Variants in STIM1 observed in about 807,000 individuals in gnomAD.
STIM1 encodes the protein stromal interaction molecule 1.
STIM1 carries 25 observed loss-of-function variants against 74.7 expected under a neutral mutation model. The ratio of observed to expected loss-of-function variants is 0.33; its 90% CI spans 0.24 to 0.47. The LOEUF (loss-of-function observed/expected upper bound fraction) is 0.47, where lower values mean the gene tolerates loss of function less well. STIM1 is among the 20% of genes least tolerant of loss of function. The probability of loss-of-function intolerance (pLI) is 1.00; values close to 1 mark genes in which losing one functional copy is unlikely to be tolerated. For synonymous variants in STIM1, 328 were observed against 348.8 expected (o/e 0.94, Z 0.66); for missense variants, 728 against 920.8 (o/e 0.79, Z 2.71).
In STIM1 at chr11:4,082,278, A is replaced by G. The variant is rs773600734; in HGVS notation, c.1064A>G (p.His355Arg). The change falls in exon 8 of 13, where the codon CAT (histidine) becomes CGT (arginine). Residue 355 changes from histidine to arginine, a missense_variant. By Grantham distance (29) the His-to-Arg change is conservative. Transcript: ENST00000526596. Reference sequence around the variant, plus strand: ...CTTCAGAAGTGGCTGCAGCTGACACATGAGGTGGAGGTGCAATATTACAAC... The same window carrying G: ...CTTCAGAAGTGGCTGCAGCTGACACGTGAGGTGGAGGTGCAATATTACAAC... ...EALQKWLQLT[H>R]EVEVQYYNIK... is the part of the protein sequence containing the mutation. 1.2e-6 allele frequency: 2 copies of G among 1,613,928 alleles called. No individual in the cohort carries two copies. Among genetic ancestry groups the G allele is most frequent in the Non-Finnish European group, 1.7e-6 (2 of 1,180,034 alleles).
At chr11:3,955,245 C>G (rs1371349360) in intron 1 of STIM1, among the ~76,000 whole-genome samples, 4 of 152,064 alleles carry the variant, frequency 2.6e-5, no homozygotes, top group African/African-American at 9.7e-5. Flanking sequence ...CAGTGAAGGA[C>G]CAAGTAGGAA....
intron 4 of STIM1, among the ~76,000 whole-genome samples, chr11:4,055,916 T>C (rs2133085936): frequency 6.6e-6 from 1 of 152,332 alleles, no homozygotes; most frequent in Non-Finnish European, 1.5e-5. Context: ...TACTCAACAC[T>C]GTATACAGTA....
At chr11:3,907,215 G>A (rs1400620957) in intron 1 of STIM1, among the ~76,000 whole-genome samples, 4 of 152,240 alleles carry the variant, frequency 2.6e-5, no homozygotes, top group Middle Eastern at 6.8e-3. Context: ...GGGTTATAAT[G>A]GCAGTTACTA....
At chr11:3,955,031 T>C (rs2135684328) in intron 1 of STIM1, among the ~76,000 whole-genome samples, 1 of 152,374 alleles carries the variant, frequency 6.6e-6, no homozygotes, top group Non-Finnish European at 1.5e-5. Context: ...TTCAATGGAA[T>C]ACTACTCAGC....
At chr11:4,021,323 G>A (rs961356542) in intron 2 of STIM1, among the ~76,000 whole-genome samples, 1 of 151,800 alleles carries the variant, frequency 6.6e-6, no homozygotes, top group East Asian at 1.9e-4. Flanking sequence ...ATGGGGTTTC[G>A]CCATGCTGGC....
At chr11:4,080,425 C>T (rs1426047642) in intron 7 of STIM1, among the ~76,000 whole-genome samples, 2 of 151,270 alleles carry the variant, frequency 1.3e-5, no homozygotes, top group Non-Finnish European at 2.9e-5. Flanking sequence ...TTCCATCTTC[C>T]CTATTCCTTA....
intron 1 of STIM1, among the ~76,000 whole-genome samples, chr11:3,879,522 C>T (rs1455770055): frequency 6.6e-6 from 1 of 152,322 alleles, no homozygotes; most frequent in Middle Eastern, 3.4e-3. Flanking sequence ...GGTTTGTGCT[C>T]TGCACTTTAC....
At chr11:4,047,269 C>T (rs1253548394) in intron 3 of STIM1, among the ~76,000 whole-genome samples, 1 of 152,112 alleles carries the variant, frequency 6.6e-6, no homozygotes, top group African/African-American at 2.4e-5. Flanking sequence ...TGCCAGAGGC[C>T]AGGAGTTCTA....
chr11:3,869,190 T>C (rs1372350358), intron 1 of STIM1, among the ~76,000 whole-genome samples: 1 of 152,184 alleles, frequency 6.6e-6, no homozygotes, highest in Non-Finnish European at 1.5e-5. Context: ...AGAATGGTCT[T>C]GATCTCCTGA....
intron 2 of STIM1, among the ~76,000 whole-genome samples, chr11:3,993,633 G>A (rs1004602238): frequency 2.6e-5 from 4 of 152,128 alleles, no homozygotes; most frequent in Admixed American, 6.6e-5. Context: ...TCCAGCCTGG[G>A]CGACAGAGGG....
chr11:3,954,712 G>A (rs2093190145), intron 1 of STIM1, among the ~76,000 whole-genome samples: 1 of 152,160 alleles, frequency 6.6e-6, no homozygotes, highest in Non-Finnish European at 1.5e-5. Context: ...AAAGAATTCT[G>A]AGTGGTTCTT....
intron 1 of STIM1, among the ~76,000 whole-genome samples, chr11:3,862,880 G>GCA (rs58778371): frequency 0.025 from 3,601 of 146,164 alleles, 70 homozygotes; most frequent in African/African-American, 0.055. Flanking sequence ...ACACACACAC[G>GCA]CACACACACA....
chr11:3,957,482 C>G (rs2093229845), intron 1 of STIM1, among the ~76,000 whole-genome samples: 2 of 152,014 alleles, frequency 1.3e-5, no homozygotes, highest in Non-Finnish European at 2.9e-5. Context: ...TGGTCTCAAA[C>G]TCCTGACCTT....
intron 10 of STIM1, among the ~76,000 whole-genome samples, chr11:4,084,059 C>T (rs1283198812): frequency 6.6e-6 from 1 of 152,128 alleles, no homozygotes; most frequent in Non-Finnish European, 1.5e-5. Context: ...ACTCTTGGAT[C>T]CTACCCGCTC....
At chr11:3,924,043 T>A (rs569803496) in intron 1 of STIM1, among the ~76,000 whole-genome samples, 1 of 152,034 alleles carries the variant, frequency 6.6e-6, no homozygotes, top group African/African-American at 2.4e-5. Context: ...GGTCTCACTA[T>A]GTTGCCCAGG....
rs1216086016 is a variant in STIM1, at chr11:3,895,781, TTCCTTCCTTCCTTCCTTCCTTC to T, written c.139+39373_139+39394del. ...CTTCCTTCCTTCCTTCCTTCCTTCC[TTCCTTCCTTCCTTCCTTCCTTC>T]CTTTCTTTCCTTCCTTCTTTCTTTT... On this transcript the variant is annotated intron_variant, in intron 1 of 12. Coordinates refer to ENST00000526596, the MANE Select transcript of STIM1 (RefSeq NM_001382567.1). Among the ~76,000 whole-genome samples, 11 of 92,996 alleles carry T rather than the reference TTCCTTCCTTCCTTCCTTCCTTC, an allele frequency of 1.2e-4. 3 individuals are homozygous for T. The highest frequency in any genetic ancestry group is 4.6e-4 in the African/African-American group (7 of 15,274). 61.0% of individuals were successfully genotyped at this position (92,996 alleles called of 152,430 possible). A position where few individuals can be genotyped will look rare whatever the true frequency, so the allele number is the denominator to read the frequency against.
At chr11:3,878,805 A>C (rs977087861) in intron 1 of STIM1, among the ~76,000 whole-genome samples, 10 of 152,180 alleles carry the variant, frequency 6.6e-5, no homozygotes, top group Non-Finnish European at 1.3e-4. Flanking sequence ...TGTTAGCTGC[A>C]GTGGGTTCCT....
At chr11:3,879,505 C>G (rs945990043) in intron 1 of STIM1, among the ~76,000 whole-genome samples, 5 of 152,172 alleles carry the variant, frequency 3.3e-5, no homozygotes, top group Non-Finnish European at 7.3e-5. Flanking sequence ...TAATAACTCC[C>G]CAGATTGGTT....
intron 2 of STIM1, among the ~76,000 whole-genome samples, chr11:3,981,335 G>T (rs973493766): frequency 6.6e-6 from 1 of 152,158 alleles, no homozygotes; most frequent in Non-Finnish European, 1.5e-5. Context: ...GTTCTGTATT[G>T]TAATTGGGTC....
Sources: allele counts gnomAD v4.1 joint callset (sites outside exome capture counted in the v4.1 genomes callset), GRCh38; gene constraint gnomAD v4.1.1; transcripts MANE v1.5; gene names NCBI Gene and HGNC (gene_info 2026-07-23, HGNC 2026-07-21).